Variants in TENM4 observed in about 807,000 individuals in gnomAD.
TENM4 encodes the protein teneurin transmembrane protein 4, also known as teneurin-4.
Under a neutral mutation model 243.3 loss-of-function variants are expected in TENM4, and 82 were observed. The observed-to-expected ratio is 0.34, with a 90% confidence interval of 0.28 to 0.40. The LOEUF is 0.40. Among genes scored for constraint, TENM4 ranks in the 10% least tolerant of loss-of-function variants. The pLI is 1.00. For missense variants in TENM4, 3,138 were observed against 3,673.3 expected (o/e 0.85, Z 3.77); for synonymous variants, 1,412 against 1,456.3 (o/e 0.97, Z 0.69).
intron 6 of TENM4, among the ~76,000 whole-genome samples, chr11:78,913,622 TGTGTGTGA>T (rs1404760265): frequency 2.2e-4 from 24 of 111,144 alleles, no homozygotes; most frequent in East Asian, 5.5e-4. Context: ...TGTGTGTGTG[TGTGTGTGA>T]GTGTCGGGGG....
intron 9 of TENM4, among the ~76,000 whole-genome samples, chr11:78,864,188 G>T (rs1308634577): frequency 2.0e-5 from 3 of 152,086 alleles, no homozygotes; most frequent in Non-Finnish European, 4.4e-5. Context: ...CGGGGGATAG[G>T]AGGGAAACTT....
chr11:78,756,926 T>A lies in TENM4; in HGVS notation c.2635A>T (p.Ile879Phe). The A allele has an allele frequency of 6.2e-7, 1 of 1,613,886 alleles. No homozygotes were observed. The highest frequency in any genetic ancestry group is 8.5e-7 in the Non-Finnish European group (1 of 1,179,870). Residue 879 changes from isoleucine to phenylalanine, a missense_variant, in exon 19 of 34, where the codon ATC becomes TTC. Ile to Phe is a conservative substitution (Grantham distance 21). Transcript: ENST00000278550. ...GACACAGGGACCTGTGTCTCCTGGA[T>A]GATGTCCAGAGGGTTAGGGGAGCCA... ...CLGSPNPLDI[I>F]QETQVPVSQQ...
intron 9 of TENM4, among the ~76,000 whole-genome samples, chr11:78,869,320 T>G (rs1859065183): frequency 6.6e-6 from 1 of 152,326 alleles, no homozygotes; most frequent in East Asian, 1.9e-4. Flanking sequence ...TGCATGTGTT[T>G]CCTGACTGCA....
chr11:79,120,219 A>C (rs1242878559), intron 4 of TENM4, among the ~76,000 whole-genome samples: 1 of 152,220 alleles, frequency 6.6e-6, no homozygotes, highest in Non-Finnish European at 1.5e-5. Context: ...AGATGAGGGA[A>C]TATGCAAAAT....
intron 22 of TENM4, 49 bp from the exon 23 acceptor site, chr11:78,726,271 C>T (rs1590970771): frequency 6.3e-7 from 1 of 1,596,996 alleles, no homozygotes; most frequent in Non-Finnish European, 8.5e-7. Context: ...AAAGCCCACT[C>T]TTTGGCCTTT....
chr11:79,342,231 G>A (rs540795756), intron 1 of TENM4, among the ~76,000 whole-genome samples: 1 of 152,342 alleles, frequency 6.6e-6, no homozygotes, highest in East Asian at 1.9e-4. Flanking sequence ...ATTTTGGGCT[G>A]ACATGAGGAG....
In TENM4 at chr11:79,170,004, T is replaced by C. The variant is rs562328190; in HGVS notation, c.-162-21198A>G. Among the ~76,000 whole-genome samples, 6 of 152,322 alleles carry C rather than the reference T, an allele frequency of 3.9e-5. No homozygotes were observed. In the East Asian group the frequency reaches 1.2e-3, roughly 29 times the overall value. ...GGCTTTTCTTTCTGGTGCCTGGGCA[T>C]CTTTGCCCCTAAAGAGAGCTGGCTG... On this transcript the variant is annotated intron_variant, in intron 3 of 33. Transcript: ENST00000278550.
chr11:79,260,037 A>C (rs943609151), intron 2 of TENM4, among the ~76,000 whole-genome samples: 43 of 152,216 alleles, frequency 2.8e-4, no homozygotes, highest in African/African-American at 1.0e-3. Context: ...GGTGGAGAGA[A>C]GTGGCTTTTT....
Position 78,670,498 on chromosome 11 carries a change from C to A in TENM4, c.5847G>T (p.Lys1949Asn). ...TCGTCACAGAAGAGAGGCGGTCATT[C>A]TTGTCGAACTCAAAGATATACTGCC... is the stretch of plus-strand genomic sequence containing the variant. ...SQRQYIFEFDKNDRLSSVTMP... is the reference protein window; with the variant it reads ...SQRQYIFEFDNNDRLSSVTMP... Residue 1949 changes from lysine to asparagine, a missense_variant, in exon 32 of 34, where the codon AAG becomes AAT. This residue lies in a region of TENM4 where 2,467 missense variants were observed against 3,059.1 expected (regional missense o/e 0.81). Transcript: ENST00000278550. The A allele has an allele frequency of 6.2e-7, 1 of 1,613,454 alleles. No individual in the cohort carries two copies. Among genetic ancestry groups the A allele is most frequent in the South Asian group, 1.1e-5 (1 of 91,002 alleles).
chr11:79,376,552 A>G (rs1360255420), intron 1 of TENM4, among the ~76,000 whole-genome samples: 1 of 152,234 alleles, frequency 6.6e-6, no homozygotes, highest in African/African-American at 2.4e-5. Context: ...GCTATAGTCT[A>G]TATAATAGTC....
At chr11:79,297,274 T>A (rs904425652) in intron 2 of TENM4, among the ~76,000 whole-genome samples, 1 of 152,210 alleles carries the variant, frequency 6.6e-6, no homozygotes, top group Admixed American at 6.5e-5. Context: ...GTTAAACATG[T>A]CAACTCCACA....
At chr11:79,244,083 A>G (rs970414697) in intron 2 of TENM4, among the ~76,000 whole-genome samples, 1 of 152,174 alleles carries the variant, frequency 6.6e-6, no homozygotes, top group Non-Finnish European at 1.5e-5. Context: ...AAGCAACAGA[A>G]TCGCCCTGGA....
Position 78,661,506 on chromosome 11 carries a change from T to C in TENM4, c.7494A>G (p.Glu2498=), listed in dbSNP as rs773121471. The change falls in exon 33 of 34, where the codon GAA becomes GAG. Residue 2498 remains glutamate (E), a synonymous_variant. Transcript: ENST00000278550. ...GYPKPDMDAM[E]PSYELIHTQM... is the part of the protein sequence containing the mutation. ...GTGTGTGGATGAGCTCGTAGGAGGGTTCCATGGCATCCATGTCTGGTTTGG... is the reference window on the plus strand; with the variant it reads ...GTGTGTGGATGAGCTCGTAGGAGGGCTCCATGGCATCCATGTCTGGTTTGG... 1 of 1,612,394 alleles carries C rather than the reference T, an allele frequency of 6.2e-7. No homozygotes were observed. Among genetic ancestry groups the C allele is most frequent in the Non-Finnish European group, 8.5e-7 (1 of 1,179,348 alleles).
At chr11:78,736,254 A>G (rs954812753) in intron 20 of TENM4, among the ~76,000 whole-genome samples, 8 of 152,070 alleles carry the variant, frequency 5.3e-5, no homozygotes, top group Non-Finnish European at 1.0e-4. Context: ...GGGATTACAG[A>G]TGTGAGCCAC....
chr11:78,932,442 G>A (rs1856691320), intron 6 of TENM4, among the ~76,000 whole-genome samples: 1 of 152,164 alleles, frequency 6.6e-6, no homozygotes, highest in African/African-American at 2.4e-5. Flanking sequence ...ATGGGATTAG[G>A]GGGAGGCCAG....
intron 4 of TENM4, among the ~76,000 whole-genome samples, chr11:79,088,380 T>C (rs1444790838): frequency 4.6e-5 from 7 of 152,192 alleles, no homozygotes; most frequent in Non-Finnish European, 1.0e-4. Context: ...CATCACCATC[T>C]GAACCTCACA....
At position 78,864,514 on chromosome 11, in the gene TENM4, G is replaced by A. The variant is rs886435312; in HGVS notation, c.1085-1382C>T. ...CTAAAAAGTCTTGTACGACAATCTAGAAAGAGACCATAAGGCGCAAAAGAA... is the reference window on the plus strand; with the variant it reads ...CTAAAAAGTCTTGTACGACAATCTAAAAAGAGACCATAAGGCGCAAAAGAA... On this transcript the variant is annotated intron_variant, in intron 9 of 33. Coordinates refer to ENST00000278550, the MANE Select transcript of TENM4 (RefSeq NM_001098816.3). 3.5e-5 allele frequency among the ~76,000 whole-genome samples: 5 copies of A among 140,882 alleles called. No homozygotes were observed. In the East Asian group the frequency reaches 8.6e-4, roughly 24 times the overall value. The allele number at this position is 140,882 out of a possible 152,430, so 92.4% of individuals were successfully genotyped here. A position where few individuals can be genotyped will look rare whatever the true frequency, so the allele number is the denominator to read the frequency against.
rs865907792 is a variant in TENM4, at chr11:78,912,748, G to A, written c.494-9225C>T. 3.0e-4 allele frequency among the ~76,000 whole-genome samples: 45 copies of A among 152,216 alleles called. 1 individual carries two copies. Among genetic ancestry groups the A allele is most frequent in the African/African-American group, 1.0e-3 (42 of 41,452 alleles). ...GTTTTGGCAACTGCCAGAGAGAGGT[G>A]TAATCAACAATGCTCTCTATTCCTA... On this transcript the variant is annotated intron_variant, in intron 6 of 33. Coordinates refer to ENST00000278550, the MANE Select transcript of TENM4 (RefSeq NM_001098816.3).
chr11:79,013,574 C>T (rs998568449), intron 6 of TENM4, among the ~76,000 whole-genome samples: 1 of 152,222 alleles, frequency 6.6e-6, no homozygotes, highest in Non-Finnish European at 1.5e-5. Flanking sequence ...GAATCTCACA[C>T]TTCCTCTGGA....
Sources: gnomAD v4.1 joint callset for allele counts (sites outside exome capture counted in the v4.1 genomes callset) on GRCh38, gnomAD v4.1.1 for gene constraint, gnomAD v4.1.1 regional missense constraint, MANE v1.5 for transcripts, NCBI Gene and HGNC (gene_info 2026-07-23, HGNC 2026-07-21) for gene names.